KDM6A: variants seen among roughly 807,000 people sequenced by gnomAD.
KDM6A encodes the protein lysine demethylase 6A, also known as lysine-specific demethylase 6A.
A neutral mutation model predicts 117.6 loss-of-function variants in KDM6A; 11 were observed. That is an observed-to-expected ratio of 0.09 (90% CI 0.06 to 0.15). KDM6A has a LOEUF of 0.15. Ranked by LOEUF, KDM6A falls within the 10% of genes least tolerant of loss-of-function variation. The pLI, the probability that KDM6A is intolerant of heterozygous loss-of-function variation, is 1.00. For missense variants in KDM6A, 799 were observed against 1,077.3 expected, an observed-to-expected ratio of 0.74 and a Z score of 3.62; for synonymous variants, 384 against 396.1, an observed-to-expected ratio of 0.97 and a Z score of 0.36.
intron 3 of KDM6A, among the ~76,000 whole-genome samples, chrX:44,969,621 T>C (rs2039232684): frequency 1.8e-5 from 2 of 109,625 alleles, no homozygotes; most frequent in Admixed American, 2.0e-4. Context: ...TTTCACCGTG[T>C]TAGCCAGGAT....
At chrX:44,930,924 T>G (rs2036583504) in intron 2 of KDM6A, among the ~76,000 whole-genome samples, 2 of 111,803 alleles carry the variant, frequency 1.8e-5, no homozygotes, top group African/African-American at 6.5e-5. Context: ...TTTAATACTT[T>G]ATTTTCTTAT....
intron 8 of KDM6A, among the ~76,000 whole-genome samples, chrX:45,049,679 C>G (rs769097888): frequency 8.9e-6 from 1 of 111,852 alleles, no homozygotes; most frequent in Admixed American, 9.5e-5. Context: ...CAGTGGTTCT[C>G]CATTGTTTTA....
chrX:44,988,808 A>C (rs1226591827), intron 4 of KDM6A, among the ~76,000 whole-genome samples: 1 of 110,779 alleles, frequency 9.0e-6, no homozygotes, highest in Non-Finnish European at 1.9e-5. Flanking sequence ...GTGAGGTGTC[A>C]GTCTGCCCCT....
chrX:44,897,759 G>GA (rs778778066), intron 2 of KDM6A, among the ~76,000 whole-genome samples: 42 of 110,766 alleles, frequency 3.8e-4, no homozygotes, highest in Non-Finnish European at 6.6e-4. Context: ...TTTTTTTTGA[G>GA]ATAGGGTCTT....
rs779833375 is a variant in KDM6A at position 44,874,088 on chromosome X, C to G, written c.225+101C>G. On this transcript the variant is annotated intron_variant, in intron 2 of 29. Transcript: ENST00000611820. Reference sequence around the variant, plus strand: ...GGTCTGTGCTCATTGTGGCCACGGACGATGGTCGAGGGGCTTCCGGAAACT... The same window carrying G: ...GGTCTGTGCTCATTGTGGCCACGGAGGATGGTCGAGGGGCTTCCGGAAACT... The G allele has an allele frequency of 1.6e-5, 13 of 789,226 alleles. 1 individual carries two copies. Among genetic ancestry groups the G allele is most frequent in the Non-Finnish European group, 2.5e-5 (13 of 526,522 alleles). The allele number at this position is 789,226 out of a possible 1,213,427, so 65.0% of individuals were successfully genotyped here.
chrX:44,922,422 A>C (rs751267775), intron 2 of KDM6A, among the ~76,000 whole-genome samples: 1 of 111,037 alleles, frequency 9.0e-6, no homozygotes, highest in South Asian at 3.8e-4. Context: ...TGTATATTTT[A>C]TTCAGTAAAA....
Position 44,873,259 on chromosome X carries a change from G to A in KDM6A, c.-293G>A, listed in dbSNP as rs778122554. On this transcript the variant is annotated 5_prime_UTR_variant, in exon 1 of 30. Coordinates refer to ENST00000611820, the MANE Select transcript of KDM6A (RefSeq NM_001291415.2). The stretch of plus-strand genomic sequence containing the variant: ...TCCCCTCAGTGCTCCCCAGCCCCGC[G>A]CGCTCCGGCCGTTCCCGCCGTCCCC... 106 of 336,004 alleles carry A rather than the reference G, an allele frequency of 3.2e-4. No individual in the cohort carries two copies. In the South Asian group the frequency reaches 6.3e-3, roughly 20 times the overall value. The allele number at this position is 336,004 out of a possible 1,213,427, so 27.7% of individuals were successfully genotyped here.
rs1359671584 is a variant in KDM6A, at chrX:45,070,164, A to G, written c.2665A>G (p.Thr889Ala). The G allele has an allele frequency of 3.3e-6, 4 of 1,211,650 alleles. No individual in the cohort carries two copies. The East Asian group carries it at 8.9e-5, about 27-fold the overall frequency. ...TPSPKSTEQTTTNSVTSLNSP... is the reference protein window; with the variant it reads ...TPSPKSTEQTATNSVTSLNSP... ...TTCTCCAAAATCCACTGAGCAGACA[A>G]CCACAAACAGTGTTACCAGCCTTAA... is the stretch of plus-strand genomic sequence containing the variant. The change falls in exon 18 of 30, where the codon ACC (threonine) becomes GCC (alanine). Residue 889 changes from threonine (T) to alanine (A), a missense_variant. This residue lies in a region of KDM6A where 291 missense variants were observed against 437.9 expected (regional missense o/e 0.66). Transcript: ENST00000611820.
intron 6 of KDM6A, among the ~76,000 whole-genome samples, chrX:45,026,664 TA>T (rs35015536): frequency 2.8e-3 from 233 of 84,596 alleles, no homozygotes; most frequent in Middle Eastern, 6.0e-3. Flanking sequence ...CCGTCTCTAC[TA>T]AAAAAAAAAA....
At chrX:45,053,779 G>C (rs369075549) in intron 9 of KDM6A, 50 bp from the exon 10 acceptor site, 10 of 996,615 alleles carry the variant, frequency 1.0e-5, no homozygotes, top group East Asian at 3.1e-5. Context: ...CTTAAACATA[G>C]AAGAACAATT....
intron 24 of KDM6A, among the ~76,000 whole-genome samples, chrX:45,085,174 A>C (rs2045592079): frequency 8.9e-6 from 1 of 111,989 alleles, no homozygotes; most frequent in Non-Finnish European, 1.9e-5. Context: ...GGCAAAAAAC[A>C]TTATTTTGAG....
At chrX:45,051,539 A>G (rs1307998477) in intron 8 of KDM6A, among the ~76,000 whole-genome samples, 170 bp from the exon 9 acceptor site, 1 of 112,160 alleles carries the variant, frequency 8.9e-6, no homozygotes, top group Non-Finnish European at 1.9e-5. Flanking sequence ...AACAAGGCTT[A>G]TTACTCAACT....
intron 4 of KDM6A, among the ~76,000 whole-genome samples, chrX:45,003,092 C>A (rs975168773): frequency 2.7e-5 from 3 of 111,167 alleles, no homozygotes; most frequent in African/African-American, 9.8e-5. Flanking sequence ...ATGGTTCCTT[C>A]CTGGTTCTGT....
At chrX:45,100,391 G>A (rs1027348638) in intron 27 of KDM6A, among the ~76,000 whole-genome samples, 2 of 111,899 alleles carry the variant, frequency 1.8e-5, no homozygotes, top group African/African-American at 6.5e-5. Context: ...TCAAGTTAGT[G>A]CAATGGTAGT....
chrX:45,008,353 G>A (rs1320647280), intron 4 of KDM6A, among the ~76,000 whole-genome samples: 3 of 110,692 alleles, frequency 2.7e-5, no homozygotes, highest in African/African-American at 6.6e-5. Flanking sequence ...CAGCCTGGGC[G>A]ACAGAGCGAA....
chrX:44,988,809 G>T (rs2040398703), intron 4 of KDM6A, among the ~76,000 whole-genome samples: 1 of 110,937 alleles, frequency 9.0e-6, no homozygotes, highest in South Asian at 3.8e-4. Flanking sequence ...TGAGGTGTCA[G>T]TCTGCCCCTA....
intron 4 of KDM6A, among the ~76,000 whole-genome samples, chrX:44,977,378 T>A (rs1222027695): frequency 9.0e-6 from 1 of 110,902 alleles, no homozygotes; most frequent in Non-Finnish European, 1.9e-5. Context: ...CCTCAGCCTC[T>A]CGAGGAGCTG....
chrX:44,876,828 G>A (rs1242592447), intron 2 of KDM6A, among the ~76,000 whole-genome samples: 1 of 110,382 alleles, frequency 9.1e-6, no homozygotes, highest in Non-Finnish European at 1.9e-5. Flanking sequence ...CATTAAATAT[G>A]TCTCTTACTT....
intron 2 of KDM6A, among the ~76,000 whole-genome samples, chrX:44,928,498 A>G (rs1233871588): frequency 8.9e-6 from 1 of 112,206 alleles, no homozygotes; most frequent in Non-Finnish European, 1.9e-5. Context: ...ATGGCTGAAA[A>G]TAATAAAATA....
Sources: gnomAD v4.1 joint callset for allele counts (sites outside exome capture counted in the v4.1 genomes callset) on GRCh38, gnomAD v4.1.1 for gene constraint, gnomAD v4.1.1 regional missense constraint, MANE v1.5 for transcripts, NCBI Gene and HGNC (gene_info 2026-07-23, HGNC 2026-07-21) for gene names.